Variants in SUCLG2 observed in about 807,000 individuals in gnomAD.
SUCLG2 encodes succinate-CoA ligase GDP-forming subunit beta.
A neutral mutation model predicts 47.9 loss-of-function variants in SUCLG2; 42 were observed. The observed-to-expected ratio is 0.88, with a 90% CI of 0.69 to 1.14. The LOEUF is 1.14. SUCLG2 is among the 50% of genes most tolerant of loss of function. SUCLG2 has a pLI of 0.00. For missense variants in SUCLG2, 571 were observed against 525.9 expected (o/e 1.09, Z -0.84); for synonymous variants, 195 against 197.3 (o/e 0.99, Z 0.10).
At chr3:67,494,443 T>A (rs1035968759) in intron 9 of SUCLG2, among the ~76,000 whole-genome samples, 1 of 152,006 alleles carries the variant, frequency 6.6e-6, no homozygotes, top group Non-Finnish European at 1.5e-5. Flanking sequence ...GAGACCAGCC[T>A]GAGCAACACA....
chr3:67,593,336 A>C (rs1333409887), intron 2 of SUCLG2, among the ~76,000 whole-genome samples: 1 of 143,650 alleles, frequency 7.0e-6, no homozygotes, highest in East Asian at 2.0e-4. Context: ...CCAATGCCTA[A>C]CAACTAAAAG....
intron 2 of SUCLG2, among the ~76,000 whole-genome samples, chr3:67,542,462 T>C (rs1042754917): frequency 2.0e-5 from 3 of 152,024 alleles, no homozygotes; most frequent in Non-Finnish European, 4.4e-5. Context: ...AACAACAGGA[T>C]CAAATTCACA....
At chr3:67,529,983 C>T (rs79486076) in intron 2 of SUCLG2, among the ~76,000 whole-genome samples, 13 of 152,264 alleles carry the variant, frequency 8.5e-5, no homozygotes, top group African/African-American at 3.1e-4. Context: ...CAAAACAAAA[C>T]AAAACAACAA....
intron 2 of SUCLG2, among the ~76,000 whole-genome samples, chr3:67,531,079 G>A (rs1177403637): frequency 6.6e-6 from 1 of 152,204 alleles, no homozygotes; most frequent in African/African-American, 2.4e-5. Flanking sequence ...GAAGTCTACA[G>A]TGTAAGGATG....
At chr3:67,486,567 C>A (rs1481901602) in intron 9 of SUCLG2, among the ~76,000 whole-genome samples, 3 of 152,122 alleles carry the variant, frequency 2.0e-5, no homozygotes, top group Non-Finnish European at 2.9e-5. Flanking sequence ...TTTAAAGACA[C>A]CTTATTTAAT....
Position 67,374,896 on chromosome 3 carries a change from G to A in SUCLG2, c.*848C>T, listed in dbSNP as rs188834097. On this transcript the variant is annotated 3_prime_UTR_variant, in exon 11 of 11. Transcript: ENST00000307227. ...ATAAACTGGTAGATTCTGGGAGGAT[G>A]AGGAGTAAGAGAGAAACGAGGAGAG... 1.8e-4 allele frequency: 182 copies of A among 985,182 alleles called. 2 individuals are homozygous for A. In the Admixed American group the frequency reaches 9.5e-3, roughly 51 times the overall value. 61.0% of individuals were successfully genotyped at this position (985,182 alleles called of 1,614,324 possible). A position where few individuals can be genotyped will look rare whatever the true frequency, so the allele number is the denominator to read the frequency against.
At chr3:67,612,374 A>AGT (rs5849770) in intron 1 of SUCLG2, among the ~76,000 whole-genome samples, 1 of 148,350 alleles carries the variant, frequency 6.7e-6, no homozygotes, top group African/African-American at 2.5e-5. Context: ...ACAAAAAAAA[A>AGT]TGTGATACAT....
chr3:67,592,833 C>T (rs962774461), intron 2 of SUCLG2, among the ~76,000 whole-genome samples: 8 of 151,970 alleles, frequency 5.3e-5, no homozygotes, highest in Non-Finnish European at 1.0e-4. Context: ...ACACTGTCAC[C>T]TCACGATACT....
chr3:67,505,455 T>G (rs914322082), intron 7 of SUCLG2, among the ~76,000 whole-genome samples: 4 of 152,222 alleles, frequency 2.6e-5, no homozygotes, highest in Non-Finnish European at 5.9e-5. Flanking sequence ...TGAATCAGAT[T>G]ATTAATCACA....
intron 2 of SUCLG2, among the ~76,000 whole-genome samples, chr3:67,586,504 A>G (rs776625460): frequency 6.6e-6 from 1 of 152,210 alleles, no homozygotes; most frequent in Non-Finnish European, 1.5e-5. Context: ...TGCCAATTTC[A>G]GTCCTTAGGC....
intron 7 of SUCLG2, among the ~76,000 whole-genome samples, chr3:67,503,499 G>A (rs7429940): frequency 0.61 from 92,053 of 151,954 alleles, 28,353 homozygotes; most frequent in Middle Eastern, 0.69. Context: ...ACAGCAGGGC[G>A]ATAAAATAAA....
chr3:67,429,472 C>T (rs1010607181), intron 9 of SUCLG2, among the ~76,000 whole-genome samples: 2 of 152,278 alleles, frequency 1.3e-5, no homozygotes, highest in African/African-American at 4.8e-5. Flanking sequence ...AAAGGAATAA[C>T]CGGTACCAGC....
At chr3:67,458,947 C>A (rs1037000071) in intron 9 of SUCLG2, among the ~76,000 whole-genome samples, 1 of 152,172 alleles carries the variant, frequency 6.6e-6, no homozygotes, top group Non-Finnish European at 1.5e-5. Context: ...GGTTAATCAC[C>A]TTTGAGACCC....
intron 2 of SUCLG2, among the ~76,000 whole-genome samples, chr3:67,547,170 G>A (rs1383598828): frequency 6.6e-6 from 1 of 152,158 alleles, no homozygotes; most frequent in Non-Finnish European, 1.5e-5. Flanking sequence ...ACCCCAGAGA[G>A]TTCCCTCATC....
chr3:67,554,215 C>G (rs1048629038), intron 2 of SUCLG2, among the ~76,000 whole-genome samples: 2 of 152,148 alleles, frequency 1.3e-5, no homozygotes, highest in African/African-American at 4.8e-5. Flanking sequence ...TCAGGATGTG[C>G]TACTACATGT....
chr3:67,589,403 T>TA (rs1708100819), intron 2 of SUCLG2, among the ~76,000 whole-genome samples: 1 of 152,208 alleles, frequency 6.6e-6, no homozygotes, highest in South Asian at 2.1e-4. Context: ...CTGTACATAA[T>TA]ACCTGCTAAA....
At chr3:67,515,121 G>A (rs924786099) in intron 6 of SUCLG2, among the ~76,000 whole-genome samples, 4 of 152,072 alleles carry the variant, frequency 2.6e-5, no homozygotes, top group African/African-American at 9.7e-5. Flanking sequence ...AGTACAATGA[G>A]GTATTTTGAG....
intron 9 of SUCLG2, among the ~76,000 whole-genome samples, chr3:67,430,490 A>G (rs1216483567): frequency 6.6e-6 from 1 of 152,208 alleles, no homozygotes; most frequent in Non-Finnish European, 1.5e-5. Context: ...TGCCCACAAG[A>G]GAAAGCAGGA....
At chr3:67,463,331 C>T (rs1288908877) in intron 9 of SUCLG2, among the ~76,000 whole-genome samples, 1 of 152,174 alleles carries the variant, frequency 6.6e-6, no homozygotes, top group Non-Finnish European at 1.5e-5. Flanking sequence ...TGCTGGCTGT[C>T]TTAAAGCAGG....
Sources: gnomAD v4.1 joint callset for allele counts (sites outside exome capture counted in the v4.1 genomes callset) on GRCh38, gnomAD v4.1.1 for gene constraint, MANE v1.5 for transcripts, NCBI Gene and HGNC (gene_info 2026-07-23, HGNC 2026-07-21) for gene names.